The following TAFA5 variants were observed in gnomAD, a reference collection of about 807,000 sequenced individuals.
TAFA5 encodes the protein TAFA chemokine like family member 5, also known as chemokine-like protein TAFA-5.
A neutral mutation model predicts 15.3 loss-of-function variants in TAFA5; 6 were observed. That is an observed-to-expected ratio of 0.39 (90% CI 0.21 to 0.77). The LOEUF (loss-of-function observed/expected upper bound fraction) is 0.77. Among genes scored for constraint, TAFA5 ranks in the 30% least tolerant of loss-of-function variants. The pLI is 0.41. For missense variants in TAFA5, 161 were observed against 193.1 expected, an observed-to-expected ratio of 0.83 and a Z score of 0.98; for synonymous variants, 103 against 80.7, an observed-to-expected ratio of 1.28 and a Z score of -1.48.
intron 1 of TAFA5, among the ~76,000 whole-genome samples, chr22:48,579,562 C>T (rs1923955479): frequency 6.6e-6 from 1 of 152,174 alleles, no homozygotes; most frequent in South Asian, 2.1e-4. Context: ...AGAGGGAAGC[C>T]AGCACTTTAT....
chr22:48,747,537 C>T (rs130231), intron 3 of TAFA5, among the ~76,000 whole-genome samples: 50,715 of 152,040 alleles, frequency 0.33, 9,575 homozygotes, highest in Non-Finnish European at 0.43. Flanking sequence ...GCACCATGGT[C>T]TTCACGCTGT....
chr22:48,542,357 ATG>A (rs1194082534), intron 1 of TAFA5, among the ~76,000 whole-genome samples: 6 of 52,682 alleles, frequency 1.1e-4, no homozygotes, highest in African/African-American at 3.8e-4. Context: ...GTGTGTGCAT[ATG>A]TGTGTGTGCG....
chr22:48,698,273 C>G (rs1057414248), intron 2 of TAFA5, among the ~76,000 whole-genome samples: 1 of 151,660 alleles, frequency 6.6e-6, no homozygotes, highest in African/African-American at 2.4e-5. Context: ...GTCAGGAGTT[C>G]GAGACCAGCC....
chr22:48,748,226 G>A (rs1930384178), intron 3 of TAFA5, among the ~76,000 whole-genome samples: 1 of 152,240 alleles, frequency 6.6e-6, no homozygotes, highest in Admixed American at 6.5e-5. Flanking sequence ...ACAGCCCGGT[G>A]TGATGGCAAG....
At position 48,742,034 on chromosome 22, in the gene TAFA5, C is replaced by T. The variant is rs891370319; in HGVS notation, c.391-7805C>T. Among the ~76,000 whole-genome samples the T allele has an allele frequency of 6.6e-5, 10 of 152,188 alleles. No individual in the cohort carries two copies. Among genetic ancestry groups the T allele is most frequent in the African/African-American group, 2.2e-4 (9 of 41,444 alleles). On this transcript the variant is annotated intron_variant, in intron 3 of 3. Transcript: ENST00000402357. The surrounding 1 kb of genome is among the most constrained non-coding windows in gnomAD (Gnocchi z 6.2). ...TTGGGGGTAAACACTGTTCCTATCCCGTGTTACAGACGGGGAAACTGGGGC... is the reference window on the plus strand; with the variant it reads ...TTGGGGGTAAACACTGTTCCTATCCTGTGTTACAGACGGGGAAACTGGGGC...
intron 1 of TAFA5, among the ~76,000 whole-genome samples, chr22:48,590,177 C>G (rs1284782932): frequency 6.6e-6 from 1 of 152,086 alleles, no homozygotes; most frequent in Non-Finnish European, 1.5e-5. Context: ...GGTGGAATGC[C>G]ACGGAGGCGA....
At chr22:48,719,176 G>A (rs985352151) in intron 3 of TAFA5, among the ~76,000 whole-genome samples, 1 of 152,196 alleles carries the variant, frequency 6.6e-6, no homozygotes, top group Non-Finnish European at 1.5e-5. Flanking sequence ...CACACCCGCA[G>A]GGGCTCTGCT....
chr22:48,643,693 C>G (rs1400077747), intron 1 of TAFA5, among the ~76,000 whole-genome samples: 1 of 152,198 alleles, frequency 6.6e-6, no homozygotes, highest in Non-Finnish European at 1.5e-5. Flanking sequence ...TCAGCAGTAC[C>G]CCAGCACTGC....
intron 1 of TAFA5, among the ~76,000 whole-genome samples, chr22:48,580,049 C>T (rs1330114876): frequency 1.3e-5 from 2 of 152,164 alleles, no homozygotes; most frequent in African/African-American, 4.8e-5. Context: ...GAGAACTTTG[C>T]GTCCAGCGGC....
At chr22:48,564,027 A>G (rs1022685284) in intron 1 of TAFA5, among the ~76,000 whole-genome samples, 5 of 152,218 alleles carry the variant, frequency 3.3e-5, no homozygotes, top group Non-Finnish European at 5.9e-5. Context: ...GGGTCCCCCA[A>G]AAGCAGACCC....
Position 48,600,881 on chromosome 22 carries a change from C to A in TAFA5, c.113-45716C>A, listed in dbSNP as rs764275160. On this transcript the variant is annotated intron_variant, in intron 1 of 3. Transcript: ENST00000402357. ...GGATTGACTGTCGCGGCGAGGCTTG[C>A]GGGGCTTGTGTTCGAGGTCGGTAGA... is the stretch of plus-strand genomic sequence containing the variant. Among the ~76,000 whole-genome samples the A allele has an allele frequency of 1.4e-4, 21 of 152,194 alleles. 1 individual carries two copies. The highest frequency in any genetic ancestry group is 6.8e-3 in the Middle Eastern group (2 of 294).
At chr22:48,622,336 C>T (rs570587580) in intron 1 of TAFA5, among the ~76,000 whole-genome samples, 6 of 152,142 alleles carry the variant, frequency 3.9e-5, no homozygotes, top group Non-Finnish European at 8.8e-5. Context: ...CCTCGGAGGG[C>T]CTGGCCGGGC....
At position 48,627,322 on chromosome 22, in the gene TAFA5, C is replaced by T. The variant is rs1926057811; in HGVS notation, c.113-19275C>T. ...GGATGTGTTGTCTCCGTCACTGTCC[C>T]CGGAGCCAGCACGTGCCCGGCAGCT... On this transcript the variant is annotated intron_variant, in intron 1 of 3. Transcript: ENST00000402357. Among the ~76,000 whole-genome samples the T allele has an allele frequency of 2.0e-5, 3 of 152,238 alleles. No homozygotes were observed. In the South Asian group the frequency reaches 6.2e-4, roughly 32 times the overall value.
intron 3 of TAFA5, among the ~76,000 whole-genome samples, chr22:48,711,594 T>G (rs928774604): frequency 1.3e-5 from 2 of 152,206 alleles, no homozygotes; most frequent in African/African-American, 4.8e-5. Context: ...TGCGATTGCA[T>G]CTGAGTTCTC....
Position 48,676,640 on chromosome 22 carries a change from G to C in TAFA5, c.262+29894G>C, listed in dbSNP as rs541800938. ...AGGAAGGACACAGGACTGCAACCCA[G>C]TTCTGCAGGCTGAGATAGCTGGAGC... is the stretch of plus-strand genomic sequence containing the variant. On this transcript the variant is annotated intron_variant, in intron 2 of 3. Transcript: ENST00000402357. Among the ~76,000 whole-genome samples, 11 of 152,360 alleles carry C rather than the reference G, an allele frequency of 7.2e-5. 1 individual carries two copies. In the South Asian group the frequency reaches 2.3e-3, roughly 32 times the overall value.
chr22:48,605,618 C>T (rs1023001597), intron 1 of TAFA5, among the ~76,000 whole-genome samples: 4 of 152,082 alleles, frequency 2.6e-5, no homozygotes, highest in East Asian at 1.9e-4. Context: ...ATTTTACCTG[C>T]GAGATATCTG....
intron 2 of TAFA5, among the ~76,000 whole-genome samples, chr22:48,676,337 G>A (rs1288903016): frequency 6.6e-6 from 1 of 152,242 alleles, no homozygotes; most frequent in Non-Finnish European, 1.5e-5. Flanking sequence ...CTTTGAGGGA[G>A]GGTGGACGTT....
intron 1 of TAFA5, among the ~76,000 whole-genome samples, chr22:48,628,806 G>A (rs564971999): frequency 1.3e-5 from 2 of 152,338 alleles, no homozygotes; most frequent in South Asian, 4.1e-4. Context: ...ACAGTTATGG[G>A]AAGTATCAGA....
chr22:48,671,260 C>T (rs963471808), intron 2 of TAFA5, among the ~76,000 whole-genome samples: 3 of 152,198 alleles, frequency 2.0e-5, no homozygotes, highest in Non-Finnish European at 2.9e-5. Context: ...AGGTCTGAGC[C>T]GTGAGTCCTC....
Sources: gnomAD v4.1 joint callset for allele counts (sites outside exome capture counted in the v4.1 genomes callset) on GRCh38, gnomAD v4.1.1 for gene constraint, Gnocchi (gnomAD v3.1) non-coding constraint, MANE v1.5 for transcripts, NCBI Gene and HGNC (gene_info 2026-07-23, HGNC 2026-07-21) for gene names.